Variants in INSR observed in about 807,000 individuals in gnomAD.
INSR encodes the protein IR.
INSR carries 67 observed loss-of-function variants against 142.6 expected under a neutral mutation model. The ratio of observed to expected loss-of-function variants is 0.47; its 90% CI spans 0.39 to 0.58. The LOEUF is 0.58. Ranked by LOEUF, INSR falls within the 20% of genes least tolerant of loss-of-function variation. INSR has a pLI of 0.00. For missense variants in INSR, 1,248 were observed against 1,833.2 expected, an observed-to-expected ratio of 0.68 and a Z score of 5.83; for synonymous variants, 756 against 743.1, an observed-to-expected ratio of 1.02 and a Z score of -0.28.
chr19:7,142,168 C>G lies in INSR; in HGVS notation c.2543-352G>C, dbSNP rs150758666. Among the ~76,000 whole-genome samples, 136 of 151,808 alleles carry G rather than the reference C, an allele frequency of 9.0e-4. 1 individual carries two copies. Among genetic ancestry groups the G allele is most frequent in the Middle Eastern group, 3.4e-3 (1 of 294 alleles). ...CTGTAATCCCAGCACTTTGGGAGCT[C>G]AAGGTTGGCGGACCACTTGAGCTCA... On this transcript the variant is annotated intron_variant, in intron 12 of 21. Coordinates refer to ENST00000302850, the MANE Select transcript of INSR (RefSeq NM_000208.4).
chr19:7,207,948 G>GGGAAGGGAA (rs1600018568), intron 2 of INSR, among the ~76,000 whole-genome samples: 1 of 124,102 alleles, frequency 8.1e-6, no homozygotes, highest in Non-Finnish European at 1.7e-5. Flanking sequence ...AAGGGAAGGA[G>GGGAAGGGAA]GGAGGGAGGG....
intron 2 of INSR, among the ~76,000 whole-genome samples, chr19:7,215,761 G>T (rs1251203531): frequency 6.6e-6 from 1 of 151,656 alleles, no homozygotes; most frequent in Non-Finnish European, 1.5e-5. Flanking sequence ...TAGAGACAGG[G>T]TTTTACCATG....
chr19:7,280,041 G>A (rs905552951), intron 1 of INSR, among the ~76,000 whole-genome samples: 3 of 151,914 alleles, frequency 2.0e-5, no homozygotes, highest in East Asian at 3.9e-4. Flanking sequence ...CGAGGCGGGC[G>A]GATCACGAGG....
chr19:7,142,054 G>A (rs113396079), intron 12 of INSR, among the ~76,000 whole-genome samples: 2,807 of 151,166 alleles, frequency 0.019, 49 homozygotes, highest in African/African-American at 0.044. Context: ...TCACCCAGGC[G>A]GGAGTGCAGT....
At position 7,150,648 on chromosome 19, in the gene INSR, T is replaced by C; in HGVS notation, c.2232-116A>G. 1.1e-6 allele frequency: 1 copy of C among 913,708 alleles called. No homozygotes were observed. The highest frequency in any genetic ancestry group is 1.8e-6 in the Non-Finnish European group (1 of 558,926). 56.6% of individuals were successfully genotyped at this position (913,708 alleles called of 1,614,324 possible). ...AGTAAGGGCACCCTGGCTTTGACCCTGGACCACTCGCTCCCATCACTTGCT... is the reference window on the plus strand; with the variant it reads ...AGTAAGGGCACCCTGGCTTTGACCCCGGACCACTCGCTCCCATCACTTGCT... On this transcript the variant is annotated intron_variant, in intron 10 of 21. Transcript: ENST00000302850. The surrounding 1 kb of genome is among the most constrained non-coding windows in gnomAD (Gnocchi z 4.2).
rs1973411006 is a variant in INSR at position 7,152,892 on chromosome 19, A to G, written c.2065T>C (p.Phe689Leu). The change falls in exon 10 of 22, where the codon TTC becomes CTC. Residue 689 changes from phenylalanine to leucine, a missense_variant. Phe to Leu is a conservative substitution (Grantham distance 22). Coordinates refer to ENST00000302850, the MANE Select transcript of INSR (RefSeq NM_000208.4). ...TGCTTCTGAGAATCTTCAGACTCGA[A>G]TGGTGGAGACCAGGTCCTCGAGGGC... ...KLPSRTWSPP[F>L]ESEDSQKHNQ... 1 of 1,612,704 alleles carries G rather than the reference A, an allele frequency of 6.2e-7. No homozygotes were observed. The highest frequency in any genetic ancestry group is 1.7e-5 in the Admixed American group (1 of 59,940).
At chr19:7,241,490 C>T (rs8100562) in intron 2 of INSR, among the ~76,000 whole-genome samples, 31,688 of 151,910 alleles carry the variant, frequency 0.21, 3,570 homozygotes, top group African/African-American at 0.27. Context: ...GGCATAGTGG[C>T]GTGCACCTAT....
chr19:7,128,185 C>A (rs1280329491), intron 15 of INSR, among the ~76,000 whole-genome samples: 3 of 151,636 alleles, frequency 2.0e-5, no homozygotes, highest in Non-Finnish European at 4.4e-5. Flanking sequence ...CACTGATGAA[C>A]ATATATGTCT....
chr19:7,201,873 G>A (rs1359252160), intron 2 of INSR, among the ~76,000 whole-genome samples: 6 of 151,898 alleles, frequency 4.0e-5, no homozygotes, highest in African/African-American at 9.7e-5. Context: ...GTGTTAACCA[G>A]GATGGTTTCG....
chr19:7,176,590 G>T (rs1974139948), intron 3 of INSR, among the ~76,000 whole-genome samples: 1 of 152,124 alleles, frequency 6.6e-6, no homozygotes, highest in Admixed American at 6.6e-5. Flanking sequence ...GACAGAGTGA[G>T]AATCTGTCTC....
chr19:7,184,267 A>T, intron 3 of INSR, 49 bp downstream of exon 3: 1 of 1,543,636 alleles, frequency 6.5e-7, no homozygotes, highest in Non-Finnish European at 8.9e-7. Flanking sequence ...AACCAACCCC[A>T]CGTTCCTTCT....
chr19:7,155,398 C>T (rs1230250663), intron 9 of INSR, among the ~76,000 whole-genome samples: 7 of 151,852 alleles, frequency 4.6e-5, no homozygotes, highest in Non-Finnish European at 2.9e-5. Context: ...ATCAGCTGCA[C>T]GTGGTGGCAC....
intron 1 of INSR, among the ~76,000 whole-genome samples, chr19:7,291,181 G>T (rs1050454004): frequency 3.3e-5 from 5 of 152,160 alleles, no homozygotes; most frequent in African/African-American, 4.8e-5. Flanking sequence ...ACAGGATTTT[G>T]TTCACCATCA....
intron 1 of INSR, among the ~76,000 whole-genome samples, chr19:7,283,196 A>C (rs2145241778): frequency 6.6e-6 from 1 of 152,180 alleles, no homozygotes; most frequent in East Asian, 1.9e-4. Flanking sequence ...CTTTCTCAAA[A>C]AAATGTAAAT....
At chr19:7,197,920 T>A (rs553564605) in intron 2 of INSR, among the ~76,000 whole-genome samples, 4,787 of 56,922 alleles carry the variant, frequency 0.084, 322 homozygotes, top group African/African-American at 0.28. Context: ...AGAGTGAGAG[T>A]GTGTGTGTGT....
chr19:7,244,536 A>AAAAAAAAAAC (rs1976469835), intron 2 of INSR, among the ~76,000 whole-genome samples: 1 of 152,122 alleles, frequency 6.6e-6, no homozygotes, highest in Non-Finnish European at 1.5e-5. Flanking sequence ...CTGTCTCAAA[A>AAAAAAAAAAC]AGAAAAAAAA....
At chr19:7,162,098 G>T (rs1349354194) in intron 9 of INSR, among the ~76,000 whole-genome samples, 1 of 151,838 alleles carries the variant, frequency 6.6e-6, no homozygotes, top group Admixed American at 6.6e-5. Context: ...AGGCCGAGGC[G>T]GGTGGATCAT....
intron 15 of INSR, among the ~76,000 whole-genome samples, chr19:7,127,551 T>C (rs563630836): frequency 1.3e-5 from 2 of 152,280 alleles, no homozygotes; most frequent in African/African-American, 4.8e-5. Context: ...ATTGTATCCA[T>C]AGGGTGGATT....
chr19:7,123,100 C>T lies in INSR; in HGVS notation c.3259-111G>A. 2 of 778,976 alleles carry T rather than the reference C, an allele frequency of 2.6e-6. 1 individual carries two copies. The highest frequency in any genetic ancestry group is 3.0e-5 in the South Asian group (2 of 67,784). 48.3% of individuals were successfully genotyped at this position (778,976 alleles called of 1,614,324 possible). Reference sequence around the variant, plus strand: ...CACACAGCACCCTGTGGCCTGGATGCAGCGTGCTCAGCCCTGGTCTAGGAG... The same window carrying T: ...CACACAGCACCCTGTGGCCTGGATGTAGCGTGCTCAGCCCTGGTCTAGGAG... On this transcript the variant is annotated intron_variant, in intron 17 of 21. Coordinates refer to ENST00000302850, the MANE Select transcript of INSR (RefSeq NM_000208.4).
Sources: gnomAD v4.1 joint callset for allele counts (sites outside exome capture counted in the v4.1 genomes callset) on GRCh38, gnomAD v4.1.1 for gene constraint, Gnocchi (gnomAD v3.1) non-coding constraint, MANE v1.5 for transcripts, NCBI Gene and HGNC (gene_info 2026-07-23, HGNC 2026-07-21) for gene names.